GABRD: variants seen among roughly 807,000 people sequenced by gnomAD.
GABRD encodes the protein gamma-aminobutyric acid type A receptor subunit delta, also known as gamma-aminobutyric acid receptor subunit delta.
GABRD carries 25 observed loss-of-function variants against 47.3 expected under a neutral mutation model. The ratio of observed to expected loss-of-function variants is 0.53; its 90% CI spans 0.39 to 0.74. The LOEUF (loss-of-function observed/expected upper bound fraction) is 0.74. GABRD is among the 30% of genes least tolerant of loss of function. GABRD has a pLI of 0.00. For synonymous variants in GABRD, 314 were observed against 278.8 expected, an observed-to-expected ratio of 1.13 and a Z score of -1.26; for missense variants, 497 against 643.4, an observed-to-expected ratio of 0.77 and a Z score of 2.46.
At chr1:2,023,410 C>T (rs1459371669) in intron 1 of GABRD, among the ~76,000 whole-genome samples, 3 of 151,892 alleles carry the variant, frequency 2.0e-5, no homozygotes, top group South Asian at 2.1e-4. Context: ...GAGCCCAGGT[C>T]GCAGTCTCTG....
Position 2,029,378 on chromosome 1 carries a change from C to A in GABRD, c.847+112C>A, listed in dbSNP as rs945801782. 4 of 1,447,734 alleles carry A rather than the reference C, an allele frequency of 2.8e-6. No homozygotes were observed. In the African/African-American group the frequency reaches 4.2e-5, roughly 15 times the overall value. 89.7% of individuals were successfully genotyped at this position (1,447,734 alleles called of 1,614,324 possible). A position where few individuals can be genotyped will look rare whatever the true frequency, so the allele number is the denominator to read the frequency against. On this transcript the variant is annotated intron_variant, in intron 7 of 8. Coordinates refer to ENST00000378585, the MANE Select transcript of GABRD (RefSeq NM_000815.5). Reference sequence around the variant, plus strand: ...CTGGCCTCTGGACCATGCCAGCTGTCCTGGGGCAGTGGCCAGCCGGGCCAG... The same window carrying A: ...CTGGCCTCTGGACCATGCCAGCTGTACTGGGGCAGTGGCCAGCCGGGCCAG...
intron 8 of GABRD, 81 bp from the exon 9 acceptor site, chr1:2,029,902 G>T: frequency 1.3e-6 from 2 of 1,570,062 alleles, no homozygotes; most frequent in Admixed American, 1.7e-5. Flanking sequence ...CGGGGCCCCC[G>T]CATGGGAACA....
intron 1 of GABRD, among the ~76,000 whole-genome samples, chr1:2,020,111 G>T (rs933930092): frequency 6.6e-6 from 1 of 152,188 alleles, no homozygotes; most frequent in Admixed American, 6.5e-5. Context: ...AGAGATGGTG[G>T]ATTTCTTAAC....
rs1261353333 is a variant in GABRD at position 2,028,929 on chromosome 1, C to G, written c.692-182C>G. The G allele has an allele frequency of 3.1e-5, 22 of 708,972 alleles. No homozygotes were observed. The highest frequency in any genetic ancestry group is 9.2e-6 in the Non-Finnish European group (4 of 435,292). 43.9% of individuals were successfully genotyped at this position (708,972 alleles called of 1,614,324 possible). ...GCTCAGGACCAGCCTGTCCTGTGGC[C>G]AGACCTAGGGCCGGAGGCCCCCTGA... is the stretch of plus-strand genomic sequence containing the variant. On this transcript the variant is annotated intron_variant, in intron 6 of 8. Coordinates refer to ENST00000378585, the MANE Select transcript of GABRD (RefSeq NM_000815.5). The surrounding 1 kb of genome is among the most constrained non-coding windows in gnomAD (Gnocchi z 6.4).
intron 1 of GABRD, among the ~76,000 whole-genome samples, chr1:2,020,732 C>G (rs930324109): frequency 6.6e-6 from 1 of 152,222 alleles, no homozygotes; most frequent in Non-Finnish European, 1.5e-5. Context: ...GCTGCCAGCC[C>G]AGGCCCACGG....
chr1:2,029,961 TC>T, intron 8 of GABRD, 21 bp from the exon 9 acceptor site: 11 of 1,611,018 alleles, frequency 6.8e-6, no homozygotes, highest in Non-Finnish European at 9.3e-6. Flanking sequence ...CAGCCCTGTC[TC>T]CCCCACCGGC....
At position 2,029,235 on chromosome 1, in the gene GABRD, C is replaced by T. The variant is rs28408173; in HGVS notation, c.816C>T (p.Ser272=). 0.15 allele frequency: 234,734 copies of T among 1,569,906 alleles called. 20,692 individuals carry two copies. Among genetic ancestry groups the T allele is most frequent in the East Asian group, 0.4 (17,117 of 42,424 alleles). ...TGTCCTGGGTCTCCTTCTGGATCAGCCAGGCGGCGGTGCCCGCCAGGGTGT... is the reference window on the plus strand; with the variant it reads ...TGTCCTGGGTCTCCTTCTGGATCAGTCAGGCGGCGGTGCCCGCCAGGGTGT... ...VAMSWVSFWI[S]QAAVPARVSL... The change falls in exon 7 of 9, where the codon AGC becomes AGT. Residue 272 remains serine, a synonymous_variant. Transcript: ENST00000378585.
chr1:2,027,142 G>A (rs964154292), intron 4 of GABRD: 2 of 309,342 alleles, frequency 6.5e-6, no homozygotes, highest in Admixed American at 4.8e-5. Flanking sequence ...CAGCTTGGGT[G>A]ACAGAGTGAG....
chr1:2,025,969 A>G (rs1349684084), intron 4 of GABRD, among the ~76,000 whole-genome samples: 3 of 152,258 alleles, frequency 2.0e-5, no homozygotes, highest in African/African-American at 7.2e-5. Context: ...TTTTTGGCCA[A>G]CACAGTGCCT....
rs1659008238 is a variant in GABRD at position 2,028,992 on chromosome 1, CTAAG to C, written c.692-117_692-114del. 3 of 1,304,370 alleles carry C rather than the reference CTAAG, an allele frequency of 2.3e-6. No homozygotes were observed. The highest frequency in any genetic ancestry group is 2.1e-6 in the Non-Finnish European group (2 of 956,380). The allele number at this position is 1,304,370 out of a possible 1,614,324, so 80.8% of individuals were successfully genotyped here. ...TGTGGTTGGTGGGGAGGGCAGGGGT[CTAAG>C]TCTCTCTTCTGAGCCCTGGTGGGCC... On this transcript the variant is annotated intron_variant, in intron 6 of 8. Transcript: ENST00000378585. The surrounding 1 kb of genome is among the most constrained non-coding windows in gnomAD (Gnocchi z 6.4).
In GABRD at chr1:2,024,954, C is replaced by T. The variant is rs745866758; in HGVS notation, c.81C>T (p.Asp27=). The change falls in exon 2 of 9, where the codon GAC becomes GAT. Residue 27 remains aspartate, a synonymous_variant. Transcript: ENST00000378585. ...QQLRGTRAMN[D]IGDYVGSNLE... ...TTTGCATCCCCAGAGCGATGAATGA[C>T]ATCGGCGACTACGTGGGCTCCAACC... is the stretch of plus-strand genomic sequence containing the variant. 6.2e-7 allele frequency: 1 copy of T among 1,612,126 alleles called. No homozygotes were observed. Among genetic ancestry groups the T allele is most frequent in the East Asian group, 2.2e-5 (1 of 44,874 alleles).
chr1:2,029,487 T>C (rs28581504), intron 7 of GABRD, 64 bp from the exon 8 acceptor site: 1,319,313 of 1,594,134 alleles, frequency 0.83, 546,711 homozygotes, highest in African/African-American at 0.87. Flanking sequence ...GTCACAGGCA[T>C]CAAGGCTGGG....
In GABRD at chr1:2,029,503, G is replaced by A. The variant is rs755731843; in HGVS notation, c.848-48G>A. On this transcript the variant is annotated intron_variant, in intron 7 of 8. Coordinates refer to ENST00000378585, the MANE Select transcript of GABRD (RefSeq NM_000815.5). ...TCACAGGCATCAAGGCTGGGATGGGGCGGCGTGAGGGCAGGGCTACGACAA... is the reference window on the plus strand; with the variant it reads ...TCACAGGCATCAAGGCTGGGATGGGACGGCGTGAGGGCAGGGCTACGACAA... The A allele has an allele frequency of 8.1e-6, 13 of 1,601,788 alleles. No homozygotes were observed. In the Middle Eastern group the frequency reaches 6.1e-4, roughly 75 times the overall value.
Position 2,028,035 on chromosome 1 carries a change from C to CTCGGTCCCCATCACGATGGCG in GABRD, c.554-115_554-95dup. The CTCGGTCCCCATCACGATGGCG allele has an allele frequency of 8.6e-7, 1 of 1,167,002 alleles. No individual in the cohort carries two copies. Among genetic ancestry groups the CTCGGTCCCCATCACGATGGCG allele is most frequent in the South Asian group, 1.5e-5 (1 of 65,776 alleles). The allele number at this position is 1,167,002 out of a possible 1,614,324, so 72.3% of individuals were successfully genotyped here. On this transcript the variant is annotated intron_variant, in intron 5 of 8. Transcript: ENST00000378585. The surrounding 1 kb of genome is among the most constrained non-coding windows in gnomAD (Gnocchi z 6.4). Reference sequence around the variant, plus strand: ...CTCCTCGCTCCTGGCTGGGGTCCTGCTCGGTCCCCATCACGATGGCGTCGG... The same window carrying CTCGGTCCCCATCACGATGGCG: ...CTCCTCGCTCCTGGCTGGGGTCCTGCTCGGTCCCCATCACGATGGCGTCGGTCCCCATCACGATGGCGTCGG...
chr1:2,030,315 G>C lies in GABRD; in HGVS notation c.*33G>C. 1 of 1,471,432 alleles carries C rather than the reference G, an allele frequency of 6.8e-7. No individual in the cohort carries two copies. The highest frequency in any genetic ancestry group is 2.5e-5 in the East Asian group (1 of 40,632). 91.1% of individuals were successfully genotyped at this position (1,471,432 alleles called of 1,614,324 possible). ...ACTCAGGCCACCCTCGCTTGTCCTG[G>C]CGCCCGGCGGCAGCTGCCCAGAAAC... On this transcript the variant is annotated 3_prime_UTR_variant, in exon 9 of 9. Coordinates refer to ENST00000378585, the MANE Select transcript of GABRD (RefSeq NM_000815.5).
chr1:2,027,953 C>T lies in GABRD; in HGVS notation c.554-202C>T. The T allele has an allele frequency of 9.6e-6, 6 of 623,284 alleles. No homozygotes were observed. The South Asian group carries it at 9.7e-5, about 10-fold the overall frequency. 38.6% of individuals were successfully genotyped at this position (623,284 alleles called of 1,614,324 possible). On this transcript the variant is annotated intron_variant, in intron 5 of 8. Coordinates refer to ENST00000378585, the MANE Select transcript of GABRD (RefSeq NM_000815.5). ...GTGTGTCACCTGACAACGGTGACCC[C>T]ATCTGTGTCCCATCCACCTGCCCGG... is the stretch of plus-strand genomic sequence containing the variant.
rs1004538764 is a variant in GABRD at position 2,028,441 on chromosome 1, G to A, written c.691+149G>A. On this transcript the variant is annotated intron_variant, in intron 6 of 8. Transcript: ENST00000378585. This position sits in a 1 kb window ranked among gnomAD's most constrained non-coding sequence, Gnocchi z 6.4. The stretch of plus-strand genomic sequence containing the variant: ...AGTCAAGCGCCCGCAGGCCCCCAGG[G>A]CCTCTGGGGATGCAGCTGGGACGCT... 2.7e-5 allele frequency: 24 copies of A among 895,756 alleles called. No individual in the cohort carries two copies. The East Asian group carries it at 9.9e-4, about 37-fold the overall frequency. 55.5% of individuals were successfully genotyped at this position (895,756 alleles called of 1,614,324 possible).
intron 4 of GABRD, among the ~76,000 whole-genome samples, chr1:2,026,081 C>T (rs753972916): frequency 6.6e-6 from 1 of 152,214 alleles, no homozygotes; most frequent in African/African-American, 2.4e-5. Context: ...TGTGCAACCC[C>T]ACCTCTGTCT....
chr1:2,028,024 C>A lies in GABRD; in HGVS notation c.554-131C>A. The A allele has an allele frequency of 9.6e-7, 1 of 1,036,536 alleles. No homozygotes were observed. The highest frequency in any genetic ancestry group is 1.4e-6 in the Non-Finnish European group (1 of 721,176). The allele number at this position is 1,036,536 out of a possible 1,614,324, so 64.2% of individuals were successfully genotyped here. A position where few individuals can be genotyped will look rare whatever the true frequency, so the allele number is the denominator to read the frequency against. ...GAGCCGAAGGTCTCCTCGCTCCTGG[C>A]TGGGGTCCTGCTCGGTCCCCATCAC... On this transcript the variant is annotated intron_variant, in intron 5 of 8. Transcript: ENST00000378585. The surrounding 1 kb of genome is among the most constrained non-coding windows in gnomAD (Gnocchi z 6.4).
Sources: allele counts gnomAD v4.1 joint callset (sites outside exome capture counted in the v4.1 genomes callset), GRCh38; gene constraint gnomAD v4.1.1; non-coding constraint Gnocchi (gnomAD v3.1); transcripts MANE v1.5; gene names NCBI Gene and HGNC (gene_info 2026-07-23, HGNC 2026-07-21).